The following MGRN1 variants were observed in gnomAD, a reference collection of about 807,000 sequenced individuals.
MGRN1 encodes the protein mahogunin ring finger 1, also known as E3 ubiquitin-protein ligase MGRN1.
In MGRN1, 29 loss-of-function variants were observed where a neutral mutation model predicts 69.2. The observed-to-expected ratio is 0.42, with a 90% confidence interval of 0.31 to 0.57. The LOEUF (loss-of-function observed/expected upper bound fraction) is 0.57. MGRN1 is among the 20% of genes least tolerant of loss of function. The pLI is 0.15. For synonymous variants in MGRN1, 470 were observed against 344.2 expected, an observed-to-expected ratio of 1.37 and a Z score of -4.04; for missense variants, 998 against 796.2, an observed-to-expected ratio of 1.25 and a Z score of -3.05.
intron 5 of MGRN1, among the ~76,000 whole-genome samples, chr16:4,662,126 C>T (rs191862941): frequency 5.3e-5 from 8 of 152,258 alleles, no homozygotes; most frequent in East Asian, 3.9e-4. Context: ...GTCTGTGGTC[C>T]GCTGTAACTC....
intron 1 of MGRN1, among the ~76,000 whole-genome samples, chr16:4,632,206 G>GC (rs1404184940): frequency 9.5e-3 from 2 of 210 alleles, no homozygotes; most frequent in Non-Finnish European, 0.029. Context: ...TAGTAGAGAT[G>GC]GGTTTCACCA....
At chr16:4,684,181 C>G (rs977589228) in intron 16 of MGRN1, among the ~76,000 whole-genome samples, 1 of 152,248 alleles carries the variant, frequency 6.6e-6, no homozygotes, top group South Asian at 2.1e-4. Flanking sequence ...CCCTTCCCTC[C>G]CTGGGGCCAC....
At chr16:4,635,398 C>G (rs1030038238) in intron 1 of MGRN1, among the ~76,000 whole-genome samples, 1 of 152,112 alleles carries the variant, frequency 6.6e-6, no homozygotes, top group Non-Finnish European at 1.5e-5. Context: ...CCCTGGGTGA[C>G]AGAGTGAGAC....
At chr16:4,688,013 A>T in intron 16 of MGRN1, 1 of 985,530 alleles carries the variant, frequency 1.0e-6, no homozygotes, top group Non-Finnish European at 1.2e-6. Context: ...AAGCTTCCGG[A>T]GCTGGGGAGT....
chr16:4,668,018 G>A (rs572228930), intron 7 of MGRN1, among the ~76,000 whole-genome samples: 1 of 152,200 alleles, frequency 6.6e-6, no homozygotes, highest in Non-Finnish European at 1.5e-5. Flanking sequence ...TGGGTCAGCA[G>A]AGGGTCCCCG....
intron 1 of MGRN1, chr16:4,640,023 C>G (rs971776019): frequency 6.6e-6 from 1 of 152,418 alleles, no homozygotes; most frequent in South Asian, 2.1e-4. Context: ...GCCTTTCGCC[C>G]GCGTTCTTGG....
intron 1 of MGRN1, among the ~76,000 whole-genome samples, chr16:4,642,354 A>G (rs989078874): frequency 1.4e-4 from 21 of 151,564 alleles, no homozygotes; most frequent in South Asian, 8.4e-4. Flanking sequence ...CTGGAGTTCA[A>G]TGGTGTGATC....
chr16:4,665,568 C>T (rs1179668660), intron 7 of MGRN1, among the ~76,000 whole-genome samples: 1 of 151,584 alleles, frequency 6.6e-6, no homozygotes, highest in Non-Finnish European at 1.5e-5. Context: ...AGCGTTTCAT[C>T]ATGTTGGCCA....
At chr16:4,686,565 C>A (rs1327035582) in intron 16 of MGRN1, 1 of 1,326,182 alleles carries the variant, frequency 7.5e-7, no homozygotes, top group Non-Finnish European at 9.6e-7. Context: ...GGCTCTTCTT[C>A]CAGCCTTGAG....
intron 1 of MGRN1, among the ~76,000 whole-genome samples, chr16:4,630,524 C>T (rs1278720007): frequency 1.3e-5 from 2 of 151,578 alleles, no homozygotes; most frequent in Non-Finnish European, 2.9e-5. Flanking sequence ...GATCTTAGCT[C>T]ACTGCAGCCT....
At chr16:4,677,608 G>T in intron 11 of MGRN1, 36 bp downstream of exon 11, 1 of 1,583,606 alleles carries the variant, frequency 6.3e-7, no homozygotes, top group South Asian at 1.1e-5. Flanking sequence ...ATGGGCGGGA[G>T]AGGGGCATGA....
intron 16 of MGRN1, chr16:4,687,578 T>TACGCACACACACACAC (rs2079359518): frequency 1.6e-6 from 1 of 628,106 alleles, no homozygotes; most frequent in South Asian, 8.0e-5. Context: ...AAAAAAAAAA[T>TACGCACACACACACAC]ACACACACAC....
intron 1 of MGRN1, among the ~76,000 whole-genome samples, chr16:4,632,355 C>T (rs1017152718): frequency 2.0e-4 from 31 of 151,784 alleles, no homozygotes; most frequent in Admixed American, 1.3e-3. Flanking sequence ...TCACAGCATA[C>T]GAGTCACACT....
In MGRN1 at chr16:4,682,954, C is replaced by T; in HGVS notation, c.1482+8C>T. 1.3e-6 allele frequency: 2 copies of T among 1,552,658 alleles called. No homozygotes were observed. Among genetic ancestry groups the T allele is most frequent in the South Asian group, 2.4e-5 (2 of 84,566 alleles). The stretch of plus-strand genomic sequence containing the variant: ...GAAAGCAGCTCCCCTGAGGTGAGGC[C>T]CCCCCGGGGAAGCTTTGCGCACCCG... On this transcript the variant is annotated splice_region_variant and intron_variant, in intron 14 of 16. Coordinates refer to ENST00000262370, the MANE Select transcript of MGRN1 (RefSeq NM_015246.4).
chr16:4,676,975 C>T (rs75599053), intron 10 of MGRN1: 7,278 of 153,342 alleles, frequency 0.047, 308 homozygotes, highest in African/African-American at 0.11. Flanking sequence ...TCCCCGCCTG[C>T]CATCCTGTCC....
chr16:4,638,404 G>A (rs1388152296), intron 1 of MGRN1, among the ~76,000 whole-genome samples: 1 of 152,060 alleles, frequency 6.6e-6, no homozygotes, highest in African/African-American at 2.4e-5. Flanking sequence ...GGCAGAGGTT[G>A]CAGTGAGCCG....
At chr16:4,680,136 G>A (rs766935678) in intron 12 of MGRN1, 39 bp downstream of exon 12, 14 of 1,598,610 alleles carry the variant, frequency 8.8e-6, no homozygotes, top group Middle Eastern at 1.7e-4. Context: ...TTTTGCCCCC[G>A]CCCTCATTTT....
At chr16:4,647,602 C>T (rs1356705219) in intron 1 of MGRN1, among the ~76,000 whole-genome samples, 1 of 152,250 alleles carries the variant, frequency 6.6e-6, no homozygotes, top group African/African-American at 2.4e-5. Context: ...GCGCACATCT[C>T]AGTGCGTGCG....
chr16:4,655,951 C>T (rs980050299), intron 4 of MGRN1, among the ~76,000 whole-genome samples: 17 of 152,364 alleles, frequency 1.1e-4, no homozygotes, highest in African/African-American at 4.1e-4. Context: ...GCCCGGGCCT[C>T]CCCTGTAGTG....
Sources: allele counts gnomAD v4.1 joint callset (sites outside exome capture counted in the v4.1 genomes callset), GRCh38; gene constraint gnomAD v4.1.1; transcripts MANE v1.5; gene names NCBI Gene and HGNC (gene_info 2026-07-23, HGNC 2026-07-21).